The following PDE4D variants were observed in gnomAD, a reference collection of about 807,000 sequenced individuals.
The protein encoded by PDE4D is 3',5'-cyclic-AMP phosphodiesterase 4D.
A neutral mutation model predicts 87.4 loss-of-function variants in PDE4D; 24 were observed. The observed-to-expected ratio is 0.27, with a 90% CI of 0.20 to 0.39. The LOEUF (loss-of-function observed/expected upper bound fraction) is 0.39, where lower values mean the gene tolerates loss of function less well. PDE4D is among the 10% of genes least tolerant of loss of function. The pLI, the probability that PDE4D is intolerant of heterozygous loss-of-function variation, is 1.00. For missense variants in PDE4D, 714 were observed against 1,041.0 expected (o/e 0.69, Z 4.32); for synonymous variants, 384 against 383.2 (o/e 1.00, Z -0.02).
chr5:59,081,433 G>A lies in PDE4D; in HGVS notation c.809-42462C>T, dbSNP rs115711777. On this transcript the variant is annotated intron_variant, in intron 5 of 14. Coordinates refer to ENST00000340635, the MANE Select transcript of PDE4D (RefSeq NM_001104631.2). Reference sequence around the variant, plus strand: ...AAATAGGTCTGGTTTTGGCTGTAATGTGTATATTCAATTCAATATTAATTT... The same window carrying A: ...AAATAGGTCTGGTTTTGGCTGTAATATGTATATTCAATTCAATATTAATTT... Among the ~76,000 whole-genome samples the A allele has an allele frequency of 2.4e-3, 353 of 147,240 alleles. 1 individual carries two copies. Among genetic ancestry groups the A allele is most frequent in the African/African-American group, 8.6e-3 (344 of 39,968 alleles).
intron 3 of PDE4D, among the ~76,000 whole-genome samples, chr5:59,908,324 A>T (rs539879518): frequency 1.4e-3 from 214 of 152,210 alleles, no homozygotes; most frequent in African/African-American, 4.3e-3. Flanking sequence ...ACTTTTTTTT[A>T]AAAAACAAGA....
At chr5:60,502,670 T>A (rs1476535937) in intron 1 of PDE4D, among the ~76,000 whole-genome samples, 2 of 152,112 alleles carry the variant, frequency 1.3e-5, no homozygotes, top group Non-Finnish European at 2.9e-5. Context: ...GAACTGAAAG[T>A]ATGAAGGTAG....
At chr5:59,496,955 TCA>T (rs1286571033) in intron 1 of PDE4D, among the ~76,000 whole-genome samples, 1 of 152,120 alleles carries the variant, frequency 6.6e-6, no homozygotes, top group Non-Finnish European at 1.5e-5. Context: ...CTTCTGGCGC[TCA>T]CTCTTAAGTG....
intron 1 of PDE4D, among the ~76,000 whole-genome samples, chr5:59,475,053 GGAA>G (rs1458923359): frequency 5.9e-5 from 9 of 152,080 alleles, no homozygotes; most frequent in Non-Finnish European, 8.8e-5. Flanking sequence ...AAGTCATGAA[GGAA>G]GAAGGTGAAA....
At chr5:60,463,433 A>G (rs1490113527) in intron 1 of PDE4D, among the ~76,000 whole-genome samples, 2 of 152,090 alleles carry the variant, frequency 1.3e-5, no homozygotes, top group East Asian at 1.9e-4. Flanking sequence ...GTTCACCATT[A>G]TTTACACTAG....
intron 5 of PDE4D, among the ~76,000 whole-genome samples, chr5:59,154,021 T>C (rs1323697567): frequency 6.6e-6 from 1 of 152,088 alleles, no homozygotes; most frequent in East Asian, 1.9e-4. Context: ...TGGAAAAAGT[T>C]TGCTGCTGAA....
rs563634145 is a variant in PDE4D at position 59,246,358 on chromosome 5, G to T, written c.456-30390C>A. ...TGTGGGTAGGTTATAAAATAAAAAT[G>T]AGCTTGCCATTACAGATACTACTTA... On this transcript the variant is annotated intron_variant, in intron 1 of 14. Transcript: ENST00000340635. 7.9e-5 allele frequency among the ~76,000 whole-genome samples: 12 copies of T among 152,120 alleles called. No homozygotes were observed. In the South Asian group the frequency reaches 2.5e-3, roughly 32 times the overall value.
chr5:60,028,072 T>A lies in PDE4D; in HGVS notation c.43-39355A>T, dbSNP rs935452282. 7.2e-5 allele frequency among the ~76,000 whole-genome samples: 11 copies of A among 152,312 alleles called. 1 individual carries two copies. Among genetic ancestry groups the A allele is most frequent in the Admixed American group, 7.2e-4 (11 of 15,306 alleles). On this transcript the variant is annotated intron_variant, in intron 2 of 16. Coordinates refer to the PDE4D transcript ENST00000502484. ...TCTCTTATTTCACTTCTCCATTTGC[T>A]AAATGATTCTTTTAGCTTACACCCC...
chr5:59,759,401 C>A (rs1403163609), intron 1 of PDE4D, among the ~76,000 whole-genome samples: 1 of 152,142 alleles, frequency 6.6e-6, no homozygotes, highest in Non-Finnish European at 1.5e-5. Flanking sequence ...TACGAACAGG[C>A]TTCACATCTT....
Position 59,873,524 on chromosome 5 carries a change from A to G in PDE4D, c.455+19644T>C, listed in dbSNP as rs114887998. Reference sequence around the variant, plus strand: ...AGGCTTTCCTTCTCCAAGGCTTAAAAGGGCATGAGATTCTATTAGGCTGAA... The same window carrying G: ...AGGCTTTCCTTCTCCAAGGCTTAAAGGGGCATGAGATTCTATTAGGCTGAA... On this transcript the variant is annotated intron_variant, in intron 1 of 14. Transcript: ENST00000340635. 4.5e-3 allele frequency among the ~76,000 whole-genome samples: 689 copies of G among 152,340 alleles called. 7 individuals are homozygous for G. The highest frequency in any genetic ancestry group is 0.016 in the African/African-American group (653 of 41,576).
chr5:59,759,378 C>T (rs1403710169), intron 1 of PDE4D, among the ~76,000 whole-genome samples: 2 of 152,184 alleles, frequency 1.3e-5, no homozygotes, highest in Non-Finnish European at 2.9e-5. Context: ...TCAGTAGCAA[C>T]GGCTTCAGCT....
At chr5:59,316,910 T>G (rs1773856761) in intron 1 of PDE4D, among the ~76,000 whole-genome samples, 1 of 152,150 alleles carries the variant, frequency 6.6e-6, no homozygotes, top group South Asian at 2.1e-4. Context: ...CCTTAGACAC[T>G]TCACTCCAAA....
At chr5:60,075,773 G>T (rs1407530427) in intron 2 of PDE4D, among the ~76,000 whole-genome samples, 3 of 152,022 alleles carry the variant, frequency 2.0e-5, no homozygotes, top group African/African-American at 2.4e-5. Context: ...CAAGCTCTGA[G>T]ATTCTTTCCT....
chr5:59,223,609 C>T (rs1040735136), intron 1 of PDE4D, among the ~76,000 whole-genome samples: 25 of 152,062 alleles, frequency 1.6e-4, no homozygotes, highest in African/African-American at 5.8e-4. Context: ...GGTTATGAAG[C>T]TCGTTTCTAA....
At chr5:59,172,223 A>T (rs1783078097) in intron 5 of PDE4D, among the ~76,000 whole-genome samples, 1 of 117,044 alleles carries the variant, frequency 8.5e-6, no homozygotes, top group African/African-American at 3.4e-5. Context: ...TATATAATAA[A>T]TATATAATAA....
At chr5:59,180,785 G>T in intron 4 of PDE4D, 141 bp from the exon 5 acceptor site, 1 of 781,266 alleles carries the variant, frequency 1.3e-6, no homozygotes, top group Non-Finnish European at 2.1e-6. Flanking sequence ...TTTCAGACTA[G>T]CCAGACAAGT....
At chr5:59,440,996 T>C (rs1009345008) in intron 1 of PDE4D, among the ~76,000 whole-genome samples, 8 of 152,186 alleles carry the variant, frequency 5.3e-5, no homozygotes, top group Non-Finnish European at 1.2e-4. Flanking sequence ...TATTGAAAAG[T>C]TTGAAGATTT....
chr5:59,704,307 T>C (rs977068949), intron 1 of PDE4D, among the ~76,000 whole-genome samples: 1 of 152,198 alleles, frequency 6.6e-6, no homozygotes, highest in Admixed American at 6.5e-5. Flanking sequence ...CATTCCCTGA[T>C]ATTAGTAAGG....
intron 11 of PDE4D, among the ~76,000 whole-genome samples, chr5:58,985,597 G>C (rs1468754437): frequency 2.0e-5 from 3 of 151,968 alleles, no homozygotes; most frequent in African/African-American, 7.3e-5. Flanking sequence ...ACCAACTATG[G>C]GTTTATAAAT....
Sources: gnomAD v4.1 joint callset for allele counts (sites outside exome capture counted in the v4.1 genomes callset) on GRCh38, gnomAD v4.1.1 for gene constraint, MANE v1.5 for transcripts, NCBI Gene and HGNC (gene_info 2026-07-23, HGNC 2026-07-21) for gene names.